CTNNA2: variants seen among roughly 807,000 people sequenced by gnomAD.
CTNNA2 encodes the protein catenin alpha 2.
CTNNA2 carries 42 observed loss-of-function variants against 101.0 expected under a neutral mutation model. The observed-to-expected ratio is 0.42, with a 90% CI of 0.32 to 0.54. The LOEUF is 0.54. CTNNA2 is among the 20% of genes least tolerant of loss of function. The pLI is 0.14. For missense variants in CTNNA2, 871 were observed against 1,223.1 expected (o/e 0.71, Z 4.29); for synonymous variants, 450 against 456.4 (o/e 0.99, Z 0.18).
rs759742315 is a variant in CTNNA2, at chr2:80,544,968, C to A, written c.1291-14C>A. On this transcript the variant is annotated splice_polypyrimidine_tract_variant and intron_variant, in intron 9 of 18. Coordinates refer to ENST00000402739, the MANE Select transcript of CTNNA2 (RefSeq NM_001282597.3). ...GCCCCAACCTAATATTCACTAAAAT[C>A]CTCTTCAATACAGGTTGCCAATTTG... is the stretch of plus-strand genomic sequence containing the variant. 1.2e-6 allele frequency: 2 copies of A among 1,611,648 alleles called. No individual in the cohort carries two copies. The highest frequency in any genetic ancestry group is 1.1e-5 in the South Asian group (1 of 90,838).
intron 2 of CTNNA2, among the ~76,000 whole-genome samples, chr2:79,214,964 G>C (rs542691176): frequency 6.6e-6 from 1 of 150,878 alleles, no homozygotes; most frequent in African/African-American, 2.5e-5. Context: ...GGAGTGGGTA[G>C]CCTCCGTATT....
At chr2:80,016,487 G>C (rs577528321) in intron 7 of CTNNA2, among the ~76,000 whole-genome samples, 1 of 152,128 alleles carries the variant, frequency 6.6e-6, no homozygotes, top group African/African-American at 2.4e-5. Flanking sequence ...AGAGAGTGAG[G>C]CCTCTTTAAT....
At chr2:80,609,446 G>GC (rs1191580542) in intron 17 of CTNNA2, among the ~76,000 whole-genome samples, 1 of 151,656 alleles carries the variant, frequency 6.6e-6, no homozygotes, top group Non-Finnish European at 1.5e-5. Flanking sequence ...CCAGTAAATT[G>GC]GCTATTTTGT....
At chr2:80,634,665 A>G (rs1344173042) in intron 18 of CTNNA2, among the ~76,000 whole-genome samples, 1 of 152,120 alleles carries the variant, frequency 6.6e-6, no homozygotes. Flanking sequence ...GGTGGGAAGC[A>G]AGGAAACTAG....
intron 1 of CTNNA2, among the ~76,000 whole-genome samples, chr2:79,584,276 G>A (rs11126737): frequency 0.74 from 112,691 of 152,036 alleles, 42,046 homozygotes; most frequent in South Asian, 0.8. Flanking sequence ...TTCATAAAAA[G>A]AGGTTATACA....
At chr2:80,071,609 C>A (rs1403356572) in intron 7 of CTNNA2, among the ~76,000 whole-genome samples, 1 of 152,184 alleles carries the variant, frequency 6.6e-6, no homozygotes, top group Non-Finnish European at 1.5e-5. Context: ...ACTTCTCTCA[C>A]CCAGACTGAT....
chr2:79,860,951 T>C (rs1370053048), intron 4 of CTNNA2, among the ~76,000 whole-genome samples: 1 of 152,232 alleles, frequency 6.6e-6, no homozygotes, highest in African/African-American at 2.4e-5. Context: ...TATTTATTTG[T>C]TTTTCTGTAA....
At chr2:79,540,116 T>C (rs1673316809) in intron 1 of CTNNA2, among the ~76,000 whole-genome samples, 1 of 152,164 alleles carries the variant, frequency 6.6e-6, no homozygotes, top group South Asian at 2.1e-4. Context: ...TATTTTTTTG[T>C]ATGAAAGAAT....
At chr2:79,243,016 A>ACACACT (rs1674652014) in intron 2 of CTNNA2, among the ~76,000 whole-genome samples, 1 of 151,160 alleles carries the variant, frequency 6.6e-6, no homozygotes, top group African/African-American at 2.4e-5. Flanking sequence ...ACACACACAC[A>ACACACT]CACACACACA....
chr2:80,237,152 T>C (rs572669334), intron 7 of CTNNA2, among the ~76,000 whole-genome samples: 81 of 152,262 alleles, frequency 5.3e-4, no homozygotes, highest in Non-Finnish European at 1.0e-3. Flanking sequence ...ATAAGTGTCT[T>C]ACAAGTCATA....
At chr2:79,851,352 T>C (rs1034617884) in intron 3 of CTNNA2, among the ~76,000 whole-genome samples, 1 of 152,238 alleles carries the variant, frequency 6.6e-6, no homozygotes, top group Non-Finnish European at 1.5e-5. Flanking sequence ...AATGATAAAA[T>C]GTTCTGAAGT....
chr2:80,422,368 C>T (rs879355091), intron 9 of CTNNA2, among the ~76,000 whole-genome samples: 5 of 152,064 alleles, frequency 3.3e-5, no homozygotes, highest in Non-Finnish European at 7.4e-5. Context: ...TATTACGACT[C>T]AAGGTGAGAT....
chr2:80,352,467 T>C (rs1673390595), intron 7 of CTNNA2, among the ~76,000 whole-genome samples: 1 of 152,136 alleles, frequency 6.6e-6, no homozygotes, highest in African/African-American at 2.4e-5. Context: ...AGTTGGTGAT[T>C]AGAAAGCCAA....
chr2:80,188,448 C>T (rs997570280), intron 7 of CTNNA2, among the ~76,000 whole-genome samples: 1 of 152,110 alleles, frequency 6.6e-6, no homozygotes, highest in African/African-American at 2.4e-5. Context: ...CAAATTACAA[C>T]AAACTTAGAG....
intron 2 of CTNNA2, among the ~76,000 whole-genome samples, chr2:79,659,401 A>T (rs922204587): frequency 1.8e-4 from 27 of 152,012 alleles, no homozygotes; most frequent in African/African-American, 6.5e-4. Context: ...CATGATATTG[A>T]TAAATGAATA....
intron 7 of CTNNA2, among the ~76,000 whole-genome samples, chr2:80,070,235 T>C (rs566074487): frequency 6.6e-6 from 1 of 152,254 alleles, no homozygotes; most frequent in South Asian, 2.1e-4. Flanking sequence ...AGTTTTGCAT[T>C]TGAGTCTAAT....
chr2:79,376,732 G>A (rs921626038), intron 4 of CTNNA2, among the ~76,000 whole-genome samples: 6 of 151,898 alleles, frequency 4.0e-5, no homozygotes, highest in East Asian at 1.9e-4. Flanking sequence ...GAGAACATGC[G>A]GTGTTTGGTT....
At chr2:80,550,279 C>T (rs1280787349) in intron 11 of CTNNA2, among the ~76,000 whole-genome samples, 2 of 152,154 alleles carry the variant, frequency 1.3e-5, no homozygotes, top group African/African-American at 4.8e-5. Context: ...TGCTAAAGAT[C>T]ATTCTGAGCC....
At chr2:79,643,049 G>A (rs1230013207) in intron 1 of CTNNA2, among the ~76,000 whole-genome samples, 1 of 151,990 alleles carries the variant, frequency 6.6e-6, no homozygotes, top group Non-Finnish European at 1.5e-5. Context: ...AAATTAGCTG[G>A]GCATGGTGGC....
Sources: allele counts gnomAD v4.1 joint callset (sites outside exome capture counted in the v4.1 genomes callset), GRCh38; gene constraint gnomAD v4.1.1; transcripts MANE v1.5; gene names NCBI Gene and HGNC (gene_info 2026-07-23, HGNC 2026-07-21).